Variants in BICC1 observed in about 807,000 individuals in gnomAD.
BICC1 encodes the protein protein bicaudal C homolog 1.
Under a neutral mutation model 111.0 loss-of-function variants are expected in BICC1, and 43 were observed. The observed-to-expected ratio is 0.39, with a 90% CI of 0.30 to 0.50. The LOEUF (loss-of-function observed/expected upper bound fraction) is 0.50. Among genes scored for constraint, BICC1 ranks in the 20% least tolerant of loss-of-function variants. The probability of loss-of-function intolerance (pLI) is 0.88; values close to 1 mark genes in which losing one functional copy is unlikely to be tolerated. For synonymous variants in BICC1, 467 were observed against 434.4 expected (o/e 1.07, Z -0.93); for missense variants, 1,091 against 1,203.2 (o/e 0.91, Z 1.38).
At chr10:58,538,112 G>A (rs1009232313) in intron 1 of BICC1, among the ~76,000 whole-genome samples, 12 of 151,124 alleles carry the variant, frequency 7.9e-5, no homozygotes, top group Non-Finnish European at 1.3e-4. Flanking sequence ...CAGATAATTA[G>A]AAAAAAAATC....
intron 1 of BICC1, among the ~76,000 whole-genome samples, chr10:58,609,750 G>A (rs865954507): frequency 4.6e-5 from 7 of 152,198 alleles, no homozygotes; most frequent in South Asian, 4.1e-4. Flanking sequence ...ATTGGATGGC[G>A]TAGCTCTATA....
rs1036826957 is a variant in BICC1, at chr10:58,793,612, C to G, written c.1176C>G (p.Ser392Arg). 11 of 1,613,508 alleles carry G rather than the reference C, an allele frequency of 6.8e-6. No individual in the cohort carries two copies. The highest frequency in any genetic ancestry group is 1.7e-5 in the Admixed American group (1 of 59,920). The change falls in exon 9 of 21, where the codon AGC becomes AGG. Residue 392 changes from serine to arginine, a missense_variant. This residue lies in a region of BICC1 where 843 missense variants were observed against 900.8 expected (regional missense o/e 0.94). Transcript: ENST00000373886. ...ISIKPKPKQPSKSVIVKSVER... is the reference protein window; with the variant it reads ...ISIKPKPKQPRKSVIVKSVER... ...TTAAACCAAAGCCCAAACAGCCAAG[C>G]AAGGTTGGTTCAGAGTCTGAATCCA...
chr10:58,630,813 C>G (rs1837770653), intron 2 of BICC1, among the ~76,000 whole-genome samples: 1 of 152,010 alleles, frequency 6.6e-6, no homozygotes. Context: ...GTGAGTGCCC[C>G]AAATTAAGTT....
chr10:58,787,353 A>G (rs528535821), intron 5 of BICC1, among the ~76,000 whole-genome samples: 6 of 152,330 alleles, frequency 3.9e-5, no homozygotes, highest in Middle Eastern at 3.4e-3. Flanking sequence ...CCTTAAAGAA[A>G]GGCTGAGAGA....
At chr10:58,526,487 C>T (rs1312212992) in intron 1 of BICC1, among the ~76,000 whole-genome samples, 1 of 151,700 alleles carries the variant, frequency 6.6e-6, no homozygotes, top group Non-Finnish European at 1.5e-5. Context: ...TGTGCTGCAC[C>T]CATTAACTCA....
chr10:58,644,095 G>A (rs1266819602), intron 2 of BICC1, among the ~76,000 whole-genome samples: 1 of 152,058 alleles, frequency 6.6e-6, no homozygotes, highest in Non-Finnish European at 1.5e-5. Context: ...ATTTCTCCCA[G>A]CTGAGTTAGA....
chr10:58,609,934 T>G (rs552751184), intron 1 of BICC1, among the ~76,000 whole-genome samples: 1 of 152,346 alleles, frequency 6.6e-6, no homozygotes, highest in South Asian at 2.1e-4. Flanking sequence ...GACTAAACGA[T>G]GCTTCAGGGA....
chr10:58,823,698 G>A, intron 20 of BICC1: 1 of 985,270 alleles, frequency 1.0e-6, no homozygotes, highest in Non-Finnish European at 1.2e-6. Flanking sequence ...TTGCTGTAAA[G>A]TGGGAATGTC....
intron 2 of BICC1, among the ~76,000 whole-genome samples, chr10:58,627,476 C>T (rs765023663): frequency 1.3e-4 from 20 of 152,282 alleles, no homozygotes; most frequent in Middle Eastern, 3.4e-3. Flanking sequence ...TTCCCTTAAT[C>T]GAAAGATCTT....
chr10:58,740,838 GC>G (rs1421508047), intron 3 of BICC1, among the ~76,000 whole-genome samples: 3 of 152,154 alleles, frequency 2.0e-5, no homozygotes, highest in Admixed American at 2.0e-4. Context: ...GGTGGCTTTG[GC>G]CGACCAAAGG....
chr10:58,568,396 T>C (rs1843836593), intron 1 of BICC1, among the ~76,000 whole-genome samples: 1 of 152,168 alleles, frequency 6.6e-6, no homozygotes. Context: ...GAGTTCTCCT[T>C]GAGATCACCA....
intron 2 of BICC1, among the ~76,000 whole-genome samples, chr10:58,684,612 A>T (rs910730676): frequency 6.6e-5 from 10 of 152,148 alleles, no homozygotes; most frequent in African/African-American, 2.4e-4. Flanking sequence ...GGGAGGGTGT[A>T]TGTGTCAAGG....
intron 1 of BICC1, among the ~76,000 whole-genome samples, chr10:58,556,166 A>T (rs1352194538): frequency 6.6e-6 from 1 of 152,068 alleles, no homozygotes; most frequent in Non-Finnish European, 1.5e-5. Flanking sequence ...CTAGTCTCTT[A>T]CTGTTGAATG....
chr10:58,538,012 G>A (rs556080599), intron 1 of BICC1, among the ~76,000 whole-genome samples: 1 of 152,048 alleles, frequency 6.6e-6, no homozygotes, highest in Non-Finnish European at 1.5e-5. Context: ...TCATGGATTG[G>A]AAGAATCAAT....
At chr10:58,531,542 T>C (rs1397613450) in intron 1 of BICC1, among the ~76,000 whole-genome samples, 1 of 151,690 alleles carries the variant, frequency 6.6e-6, no homozygotes, top group East Asian at 1.9e-4. Flanking sequence ...AGGGAAAATA[T>C]GGTCCAATCA....
At chr10:58,701,391 G>C (rs143065108) in intron 2 of BICC1, among the ~76,000 whole-genome samples, 13 of 152,064 alleles carry the variant, frequency 8.5e-5, no homozygotes, top group Non-Finnish European at 1.3e-4. Flanking sequence ...GTCCATTTCC[G>C]TTGCTGGGCA....
chr10:58,586,970 A>G (rs1391222189), intron 1 of BICC1, among the ~76,000 whole-genome samples: 2 of 152,172 alleles, frequency 1.3e-5, no homozygotes, highest in South Asian at 2.1e-4. Context: ...GGGATTAGTT[A>G]GCCTGCTGAC....
intron 1 of BICC1, among the ~76,000 whole-genome samples, chr10:58,586,491 C>T (rs1167951876): frequency 1.3e-5 from 2 of 150,600 alleles, no homozygotes; most frequent in African/African-American, 2.4e-5. Flanking sequence ...ATACCAGCTA[C>T]TCGGGTGGCT....
chr10:58,556,963 C>G (rs965239383), intron 1 of BICC1, among the ~76,000 whole-genome samples: 6 of 151,982 alleles, frequency 3.9e-5, no homozygotes, highest in African/African-American at 1.4e-4. Flanking sequence ...CATTCTCATT[C>G]CAGGAATTCA....
Sources: gnomAD v4.1 joint callset for allele counts (sites outside exome capture counted in the v4.1 genomes callset) on GRCh38, gnomAD v4.1.1 for gene constraint, gnomAD v4.1.1 regional missense constraint, MANE v1.5 for transcripts, NCBI Gene and HGNC (gene_info 2026-07-23, HGNC 2026-07-21) for gene names.